The following GRIN2A variants were observed in gnomAD, a reference collection of about 807,000 sequenced individuals.
GRIN2A encodes the protein glutamate receptor ionotropic, NMDA 2A.
A neutral mutation model predicts 113.4 loss-of-function variants in GRIN2A; 22 were observed. The ratio of observed to expected loss-of-function variants is 0.19; its 90% CI spans 0.14 to 0.28. The LOEUF (loss-of-function observed/expected upper bound fraction) is 0.28. Among genes scored for constraint, GRIN2A ranks in the 10% least tolerant of loss-of-function variants. The pLI, the probability that GRIN2A is intolerant of heterozygous loss-of-function variation, is 1.00. For synonymous variants in GRIN2A, 827 were observed against 738.4 expected, an observed-to-expected ratio of 1.12 and a Z score of -1.94; for missense variants, 1,502 against 1,887.0, an observed-to-expected ratio of 0.80 and a Z score of 3.78.
At chr16:9,845,757 C>G (rs948977017) in intron 5 of GRIN2A, among the ~76,000 whole-genome samples, 8 of 152,186 alleles carry the variant, frequency 5.3e-5, no homozygotes, top group African/African-American at 1.7e-4. Context: ...CACCTTAAAT[C>G]TTATCTGTGT....
intron 2 of GRIN2A, among the ~76,000 whole-genome samples, chr16:10,044,007 G>GTATATATATATATATA (rs368522556): frequency 7.3e-4 from 85 of 116,866 alleles, no homozygotes; most frequent in African/African-American, 2.7e-3. Flanking sequence ...GTGTGTGTGT[G>GTATATATATATATATA]TATATATATA....
intron 3 of GRIN2A, among the ~76,000 whole-genome samples, chr16:9,910,696 C>T (rs1316399373): frequency 6.6e-6 from 1 of 152,028 alleles, no homozygotes; most frequent in Non-Finnish European, 1.5e-5. Flanking sequence ...CACCACTACA[C>T]CTGGCTAATT....
At chr16:10,137,649 A>C (rs948727407) in intron 2 of GRIN2A, among the ~76,000 whole-genome samples, 3 of 152,062 alleles carry the variant, frequency 2.0e-5, no homozygotes, top group African/African-American at 7.2e-5. Flanking sequence ...AATTCAACTC[A>C]CGTGCCATTT....
At chr16:9,914,924 T>G (rs1261051092) in intron 3 of GRIN2A, among the ~76,000 whole-genome samples, 23 of 78,776 alleles carry the variant, frequency 2.9e-4, no homozygotes, top group African/African-American at 1.3e-3. Context: ...TTTTTTTTTT[T>G]TTTTTTTTTT....
chr16:10,069,011 T>C lies in GRIN2A; in HGVS notation c.414+110987A>G, dbSNP rs13334042. 4.3e-3 allele frequency among the ~76,000 whole-genome samples: 646 copies of C among 152,000 alleles called. 5 individuals are homozygous for C. The highest frequency in any genetic ancestry group is 0.014 in the African/African-American group (593 of 41,454). ...GGAGCAGGTGGCAAGAGGAGAGGGA[T>C]AAGACAGGTGGGTAAGGACCCCGCA... On this transcript the variant is annotated intron_variant, in intron 2 of 12. Transcript: ENST00000330684.
intron 2 of GRIN2A, among the ~76,000 whole-genome samples, chr16:10,108,521 C>T (rs902203468): frequency 7.9e-5 from 12 of 152,200 alleles, no homozygotes; most frequent in African/African-American, 2.9e-4. Context: ...AGAGCCAGAA[C>T]TCAAACCCCA....
At chr16:10,038,926 A>G (rs748821064) in intron 2 of GRIN2A, among the ~76,000 whole-genome samples, 2 of 151,944 alleles carry the variant, frequency 1.3e-5, no homozygotes, top group East Asian at 1.9e-4. Context: ...CCTGGCCTAG[A>G]TAATTGCAAC....
chr16:10,071,254 G>A (rs1265123123), intron 2 of GRIN2A, among the ~76,000 whole-genome samples: 1 of 152,154 alleles, frequency 6.6e-6, no homozygotes, highest in Non-Finnish European at 1.5e-5. Context: ...GAAATATTCG[G>A]AACATTCTAT....
chr16:9,876,715 A>G (rs1202619525), intron 4 of GRIN2A, among the ~76,000 whole-genome samples: 1 of 152,100 alleles, frequency 6.6e-6, no homozygotes, highest in Non-Finnish European at 1.5e-5. Flanking sequence ...ACAGATCAAT[A>G]GTGGGTAAGT....
chr16:10,113,553 G>A (rs981406063), intron 2 of GRIN2A, among the ~76,000 whole-genome samples: 1 of 152,240 alleles, frequency 6.6e-6, no homozygotes. Context: ...TGGGATCACA[G>A]TTACATCACT....
chr16:9,978,504 C>T (rs1321910488), intron 2 of GRIN2A, among the ~76,000 whole-genome samples: 2 of 152,036 alleles, frequency 1.3e-5, no homozygotes, highest in Admixed American at 6.6e-5. Flanking sequence ...CATTCCTCTC[C>T]TTCCCCTTCC....
chr16:10,134,760 T>C (rs2049155752), intron 2 of GRIN2A, among the ~76,000 whole-genome samples: 3 of 152,172 alleles, frequency 2.0e-5, no homozygotes, highest in South Asian at 4.1e-4. Flanking sequence ...GAGTATGTCA[T>C]GGGGATTCAC....
intron 2 of GRIN2A, among the ~76,000 whole-genome samples, chr16:10,012,165 T>C (rs765528940): frequency 1.3e-5 from 2 of 152,222 alleles, no homozygotes; most frequent in Non-Finnish European, 2.9e-5. Flanking sequence ...GGGAGCGAAA[T>C]GGAAAAAGTT....
intron 2 of GRIN2A, among the ~76,000 whole-genome samples, chr16:10,170,221 C>A (rs1057165738): frequency 6.6e-6 from 1 of 152,156 alleles, no homozygotes; most frequent in East Asian, 1.9e-4. Context: ...TTGCAAAAAC[C>A]ATTCCCAAGT....
At chr16:9,793,704 G>A (rs951529819) in intron 11 of GRIN2A, among the ~76,000 whole-genome samples, 8 of 151,840 alleles carry the variant, frequency 5.3e-5, no homozygotes, top group Admixed American at 2.6e-4. Context: ...GTTATGTCTC[G>A]TATTTCTCCT....
intron 2 of GRIN2A, among the ~76,000 whole-genome samples, chr16:9,947,442 G>A (rs149888282): frequency 3.9e-5 from 6 of 152,348 alleles, no homozygotes; most frequent in African/African-American, 1.4e-4. Flanking sequence ...ATACATAGAG[G>A]AGCTGCTGCT....
chr16:10,170,819 G>T (rs1158608629), intron 2 of GRIN2A, among the ~76,000 whole-genome samples: 3 of 151,228 alleles, frequency 2.0e-5, no homozygotes, highest in Non-Finnish European at 4.4e-5. Flanking sequence ...TGAGGCTGCA[G>T]TGAACTATGA....
chr16:9,976,736 T>G (rs2045780625), intron 2 of GRIN2A, among the ~76,000 whole-genome samples: 1 of 152,166 alleles, frequency 6.6e-6, no homozygotes, highest in Admixed American at 6.5e-5. Context: ...AGCTCCCACC[T>G]TTAGGAGCCT....
At chr16:9,993,116 G>A (rs1239811269) in intron 2 of GRIN2A, among the ~76,000 whole-genome samples, 1 of 151,846 alleles carries the variant, frequency 6.6e-6, no homozygotes, top group Non-Finnish European at 1.5e-5. Context: ...TGTAGTCCCA[G>A]CTACTCCTCG....
Sources: gnomAD v4.1 joint callset for allele counts (sites outside exome capture counted in the v4.1 genomes callset) on GRCh38, gnomAD v4.1.1 for gene constraint, MANE v1.5 for transcripts, NCBI Gene and HGNC (gene_info 2026-07-23, HGNC 2026-07-21) for gene names.